The following EFCAB8 variants were observed in gnomAD, a reference collection of about 807,000 sequenced individuals.
EFCAB8 encodes the protein EF-hand calcium-binding domain-containing protein 8.
In EFCAB8, 100 loss-of-function variants were observed where a neutral mutation model predicts 116.3. The observed-to-expected ratio is 0.86, with a 90% confidence interval of 0.73 to 1.02. The LOEUF is 1.02. EFCAB8 is among the 50% of genes least tolerant of loss of function. The probability of loss-of-function intolerance (pLI) is 0.00; values close to 1 mark genes in which losing one functional copy is unlikely to be tolerated. For synonymous variants in EFCAB8, 558 were observed against 567.9 expected (o/e 0.98, Z 0.25); for missense variants, 1,320 against 1,416.9 (o/e 0.93, Z 1.10).
chr20:32,913,627 A>G (rs995924524), intron 17 of EFCAB8, among the ~76,000 whole-genome samples: 3 of 152,214 alleles, frequency 2.0e-5, no homozygotes, highest in African/African-American at 7.2e-5. Context: ...TCATCTAAAT[A>G]TCACCTAAAT....
chr20:32,947,087 T>C (rs761219391), intron 23 of EFCAB8, among the ~76,000 whole-genome samples: 1 of 152,242 alleles, frequency 6.6e-6, no homozygotes, highest in Non-Finnish European at 1.5e-5. Context: ...ATGAAGCCGC[T>C]TTAAACATTG....
At chr20:32,880,338 G>C (rs930304919) in intron 5 of EFCAB8, among the ~76,000 whole-genome samples, 2 of 150,664 alleles carry the variant, frequency 1.3e-5, no homozygotes, top group Non-Finnish European at 2.9e-5. Flanking sequence ...GCTTGATCTT[G>C]GCTCACTGCA....
At chr20:32,911,439 C>G in intron 15 of EFCAB8, 41 bp from the exon 16 acceptor site, 1 of 1,437,284 alleles carries the variant, frequency 7.0e-7, no homozygotes, top group Non-Finnish European at 9.2e-7. Context: ...GAGTGGAGGC[C>G]CCGGCCTCTC....
rs1568928938 is a variant in EFCAB8, at chr20:32,917,503, AG to A, written c.2061+1del. 3.7e-5 allele frequency: 52 copies of A among 1,409,712 alleles called. No homozygotes were observed. Among genetic ancestry groups the A allele is most frequent in the Non-Finnish European group, 4.7e-5 (50 of 1,059,586 alleles). The allele number at this position is 1,409,712 out of a possible 1,614,324, so 87.3% of individuals were successfully genotyped here. A position where few individuals can be genotyped will look rare whatever the true frequency, so the allele number is the denominator to read the frequency against. On this transcript the variant is annotated frameshift_variant and splice_region_variant, in exon 18 of 27. Transcript: ENST00000400522. LOFTEE classifies it high-confidence loss of function. ...SRSPSPLQPK[R>X]VQDVNNCLAE... ...GAGCCCCTCGCCCTTGCAGCCCAAG[AG>A]GGTATGTTAACAGGAGCACACTCTC...
chr20:32,889,755 A>C (rs1009882847), intron 7 of EFCAB8, among the ~76,000 whole-genome samples: 2 of 152,004 alleles, frequency 1.3e-5, no homozygotes, highest in Non-Finnish European at 2.9e-5. Context: ...TAATACCAGC[A>C]CTTCAGGAGG....
In EFCAB8 at chr20:32,906,557, T is replaced by C. The variant is rs764552271; in HGVS notation, c.1089-5T>C. On this transcript the variant is annotated splice_polypyrimidine_tract_variant and splice_region_variant and intron_variant, in intron 11 of 26. Coordinates refer to ENST00000400522, the MANE Select transcript of EFCAB8 (RefSeq NM_001143967.2). ...CCTGCAGCCCTCACTCCTTTGATAT[T>C]GTAGGTTGTCAGTGCTGCGTTTAAG... The C allele has an allele frequency of 1.4e-6, 1 of 718,526 alleles. No individual in the cohort carries two copies. The highest frequency in any genetic ancestry group is 1.5e-5 in the South Asian group (1 of 67,596). 44.5% of individuals were successfully genotyped at this position (718,526 alleles called of 1,614,324 possible).
rs1014624477 is a variant in EFCAB8 at position 32,906,680 on chromosome 20, G to A, written c.1156+51G>A. ...AGCTGCTGGGGGGAGGGCTGCTGGG[G>A]ATGGGGGGACCACCAGAGCTCAGGA... is the stretch of plus-strand genomic sequence containing the variant. On this transcript the variant is annotated intron_variant, in intron 12 of 26. Coordinates refer to ENST00000400522, the MANE Select transcript of EFCAB8 (RefSeq NM_001143967.2). 8.4e-6 allele frequency: 6 copies of A among 717,642 alleles called. No homozygotes were observed. The East Asian group carries it at 1.3e-4, about 16-fold the overall frequency. The allele number at this position is 717,642 out of a possible 1,614,324, so 44.5% of individuals were successfully genotyped here.
In EFCAB8 at chr20:32,867,665, C is replaced by G; in HGVS notation, c.126C>G (p.Leu42=). 6.4e-7 allele frequency: 1 copy of G among 1,551,656 alleles called. No individual in the cohort carries two copies. ...PSITLSQVPD[L]QPGSQLFTEI... ...TCACCCTTAGCCAGGTGCCTGACCTCCAGCCTGGGTCCCAGCTGTTTACTG... is the reference window on the plus strand; with the variant it reads ...TCACCCTTAGCCAGGTGCCTGACCTGCAGCCTGGGTCCCAGCTGTTTACTG... The change falls in exon 3 of 27, where the codon CTC becomes CTG. Residue 42 remains leucine, a synonymous_variant. Transcript: ENST00000400522.
chr20:32,914,255 T>C (rs143404186), intron 17 of EFCAB8, among the ~76,000 whole-genome samples: 2,043 of 152,342 alleles, frequency 0.013, 24 homozygotes, highest in South Asian at 0.025. Context: ...TAGAGTGCTG[T>C]GGTCCCATGG....
chr20:32,909,144 C>T (rs534557652), intron 14 of EFCAB8, among the ~76,000 whole-genome samples: 1 of 152,332 alleles, frequency 6.6e-6, no homozygotes, highest in Admixed American at 6.5e-5. Flanking sequence ...GGCTGGGCCA[C>T]CCTGGTCGGT....
In EFCAB8 at chr20:32,961,661, G is replaced by A. The variant is rs551243757; in HGVS notation, c.*52G>A. The stretch of plus-strand genomic sequence containing the variant: ...CCAGCAGGGCAACCAGGCCCATGGC[G>A]GTCCTGCATGTTCTCGGCTTATTCC... On this transcript the variant is annotated 3_prime_UTR_variant, in exon 27 of 27. Transcript: ENST00000400522. 63 of 1,098,146 alleles carry A rather than the reference G, an allele frequency of 5.7e-5. No individual in the cohort carries two copies. The highest frequency in any genetic ancestry group is 1.6e-4 in the South Asian group (4 of 24,886). 68.0% of individuals were successfully genotyped at this position (1,098,146 alleles called of 1,614,324 possible).
chr20:32,957,453 C>T (rs1989006659), intron 23 of EFCAB8, among the ~76,000 whole-genome samples: 1 of 152,122 alleles, frequency 6.6e-6, no homozygotes, highest in Non-Finnish European at 1.5e-5. Flanking sequence ...GGGGATTGAA[C>T]TGGGTTGGGG....
intron 11 of EFCAB8, among the ~76,000 whole-genome samples, chr20:32,906,246 G>C (rs1305461554): frequency 6.6e-6 from 1 of 152,214 alleles, no homozygotes; most frequent in African/African-American, 2.4e-5. Context: ...GAGGCCAAAT[G>C]CTTTACAAAT....
chr20:32,863,013 T>A (rs1231986954), intron 1 of EFCAB8, among the ~76,000 whole-genome samples: 1 of 21,576 alleles, frequency 4.6e-5, no homozygotes, highest in Non-Finnish European at 1.1e-4. Flanking sequence ...TGCTGCCAAT[T>A]TTTTTTTTTT....
Position 32,896,519 on chromosome 20 carries a change from C to A in EFCAB8, c.949C>A (p.Arg317=), listed in dbSNP as rs774056826. 2.5e-5 allele frequency: 18 copies of A among 718,884 alleles called. No individual in the cohort carries two copies. Among genetic ancestry groups the A allele is most frequent in the Non-Finnish European group, 2.1e-5 (8 of 385,158 alleles). 44.5% of individuals were successfully genotyped at this position (718,884 alleles called of 1,614,324 possible). Residue 317 remains arginine (R), a synonymous_variant, in exon 10 of 27, where the codon CGG becomes AGG. Coordinates refer to ENST00000400522, the MANE Select transcript of EFCAB8 (RefSeq NM_001143967.2). ...NEKSALHRSY[R]LKALHPNWCE... ...GAAGTCTGCTTTGCATAGAAGCTAC[C>A]GGCTGAAGGTGAGTTTTTTCTTTCC... is the stretch of plus-strand genomic sequence containing the variant.
rs1986846097 is a variant in EFCAB8 at position 32,909,993 on chromosome 20, C to A, written c.1557+62C>A. 9.3e-6 allele frequency: 8 copies of A among 856,158 alleles called. No homozygotes were observed. In the South Asian group the frequency reaches 4.9e-4, roughly 52 times the overall value. The allele number at this position is 856,158 out of a possible 1,614,324, so 53.0% of individuals were successfully genotyped here. On this transcript the variant is annotated intron_variant, in intron 15 of 26. Coordinates refer to ENST00000400522, the MANE Select transcript of EFCAB8 (RefSeq NM_001143967.2). ...AACACCAGGTGACACGGGGCAGAAC[C>A]AGACCTCCCTGTGTGCCTGGGTCTG...
intron 22 of EFCAB8, among the ~76,000 whole-genome samples, chr20:32,939,125 C>CTCTTCCTT (rs1988256627): frequency 1.8e-5 from 1 of 56,524 alleles, no homozygotes; most frequent in Non-Finnish European, 3.6e-5. Flanking sequence ...CTCTTTCTTT[C>CTCTTCCTT]TCTTTCTTTC....
At chr20:32,864,318 T>C (rs1447133783) in intron 2 of EFCAB8, among the ~76,000 whole-genome samples, 1 of 148,692 alleles carries the variant, frequency 6.7e-6, no homozygotes, top group Non-Finnish European at 1.5e-5. Flanking sequence ...GTATGGTGGC[T>C]CACACCTGTA....
chr20:32,940,068 C>T (rs1988358221), intron 22 of EFCAB8, among the ~76,000 whole-genome samples: 1 of 124,010 alleles, frequency 8.1e-6, no homozygotes, highest in Non-Finnish European at 1.7e-5. Flanking sequence ...TTCCTTCCTT[C>T]CTTCCTTCCT....
Sources: gnomAD v4.1 joint callset for allele counts (sites outside exome capture counted in the v4.1 genomes callset) on GRCh38, gnomAD v4.1.1 for gene constraint, MANE v1.5 for transcripts, NCBI Gene and HGNC (gene_info 2026-07-23, HGNC 2026-07-21) for gene names.